The following KCNIP4 variants were observed in gnomAD, a reference collection of about 807,000 sequenced individuals.
The protein encoded by KCNIP4 is potassium voltage-gated channel interacting protein 4.
Under a neutral mutation model 34.0 loss-of-function variants are expected in KCNIP4, and 12 were observed. That is an observed-to-expected ratio of 0.35 (90% CI 0.23 to 0.57). The LOEUF (loss-of-function observed/expected upper bound fraction) is 0.57. Ranked by LOEUF, KCNIP4 falls within the 20% of genes least tolerant of loss-of-function variation. KCNIP4 has a pLI of 0.83. For synonymous variants in KCNIP4, 124 were observed against 102.2 expected (o/e 1.21, Z -1.29); for missense variants, 238 against 311.7 (o/e 0.76, Z 1.78).
intron 1 of KCNIP4, among the ~76,000 whole-genome samples, chr4:21,230,441 C>T (rs191250001): frequency 5.0e-4 from 76 of 152,212 alleles, no homozygotes; most frequent in African/African-American, 1.8e-3. Context: ...ACCTATCAAC[C>T]CATCACCTAG....
intron 2 of KCNIP4, among the ~76,000 whole-genome samples, chr4:20,858,986 T>C (rs1023996322): frequency 6.6e-6 from 1 of 152,182 alleles, no homozygotes; most frequent in Non-Finnish European, 1.5e-5. Flanking sequence ...TATGCTACTT[T>C]AAGAGATGGC....
At chr4:21,670,286 T>C (rs903965348) in intron 1 of KCNIP4, among the ~76,000 whole-genome samples, 5 of 151,496 alleles carry the variant, frequency 3.3e-5, no homozygotes, top group African/African-American at 4.9e-5. Flanking sequence ...ATGGATGAAA[T>C]TGGAAATCAT....
intron 1 of KCNIP4, among the ~76,000 whole-genome samples, chr4:21,000,432 C>T (rs1008029518): frequency 2.6e-5 from 4 of 151,980 alleles, no homozygotes; most frequent in Non-Finnish European, 5.9e-5. Flanking sequence ...CGCCTGTAAT[C>T]CCAACATTTT....
chr4:21,120,623 C>G lies in KCNIP4; in HGVS notation c.62-237914G>C, dbSNP rs1003436174. Among the ~76,000 whole-genome samples the G allele has an allele frequency of 2.0e-5, 3 of 152,194 alleles. No individual in the cohort carries two copies. In the East Asian group the frequency reaches 5.8e-4, roughly 29 times the overall value. On this transcript the variant is annotated intron_variant, in intron 1 of 8. Coordinates refer to ENST00000382152, the MANE Select transcript of KCNIP4 (RefSeq NM_025221.6). ...TGTTTGTCAGCTCAGGAAAATCTACCATTTATAAAACCATCAGCTCTCATG... is the reference window on the plus strand; with the variant it reads ...TGTTTGTCAGCTCAGGAAAATCTACGATTTATAAAACCATCAGCTCTCATG...
chr4:21,726,754 C>T (rs10028615), intron 1 of KCNIP4, among the ~76,000 whole-genome samples: 12,642 of 152,150 alleles, frequency 0.083, 1,762 homozygotes, highest in African/African-American at 0.29. Context: ...ATCCTGTTCA[C>T]CACCATTTAT....
chr4:21,686,105 T>A (rs538824084), intron 1 of KCNIP4, among the ~76,000 whole-genome samples: 20 of 152,334 alleles, frequency 1.3e-4, no homozygotes, highest in African/African-American at 4.8e-4. Context: ...ACAGGCTCTA[T>A]GTATCTTAAC....
intron 1 of KCNIP4, among the ~76,000 whole-genome samples, chr4:21,262,671 C>A (rs1051364364): frequency 3.9e-5 from 6 of 152,152 alleles, no homozygotes; most frequent in Non-Finnish European, 7.3e-5. Flanking sequence ...TCTCTGGGAG[C>A]AATTTCTAAT....
chr4:21,019,217 G>C (rs1443703985), intron 1 of KCNIP4, among the ~76,000 whole-genome samples: 1 of 151,854 alleles, frequency 6.6e-6, no homozygotes, highest in African/African-American at 2.4e-5. Context: ...GTGCAGTGGC[G>C]TGATCTTGGC....
intron 1 of KCNIP4, among the ~76,000 whole-genome samples, chr4:20,889,596 A>G (rs545210634): frequency 1.1e-4 from 17 of 152,248 alleles, no homozygotes; most frequent in African/African-American, 3.8e-4. Flanking sequence ...GGTAAAAATA[A>G]TTGTGCAATT....
chr4:20,741,173 G>T (rs958724212), intron 5 of KCNIP4, among the ~76,000 whole-genome samples: 6 of 152,156 alleles, frequency 3.9e-5, no homozygotes, highest in Non-Finnish European at 8.8e-5. Context: ...GAGACAGAAA[G>T]TTAACAAGGA....
At chr4:21,679,119 C>A (rs990605477) in intron 1 of KCNIP4, among the ~76,000 whole-genome samples, 1 of 152,152 alleles carries the variant, frequency 6.6e-6, no homozygotes. Flanking sequence ...GGACTTCTAG[C>A]CTCAATTGCT....
intron 1 of KCNIP4, among the ~76,000 whole-genome samples, chr4:21,551,806 C>T (rs1738607515): frequency 6.6e-6 from 1 of 151,882 alleles, no homozygotes; most frequent in Non-Finnish European, 1.5e-5. Context: ...AATGCCAATG[C>T]ATATTAGAAT....
At chr4:21,234,854 T>A (rs1759233425) in intron 1 of KCNIP4, among the ~76,000 whole-genome samples, 1 of 151,784 alleles carries the variant, frequency 6.6e-6, no homozygotes. Context: ...TATCATGTTG[T>A]CCAGGCTGGA....
chr4:20,845,909 A>G (rs1720310718), intron 3 of KCNIP4, among the ~76,000 whole-genome samples: 1 of 152,152 alleles, frequency 6.6e-6, no homozygotes, highest in Non-Finnish European at 1.5e-5. Context: ...CATGATTCTA[A>G]CTGTGGCCTC....
chr4:21,639,070 A>G (rs1412644837), intron 1 of KCNIP4, among the ~76,000 whole-genome samples: 4 of 152,208 alleles, frequency 2.6e-5, no homozygotes, highest in African/African-American at 9.7e-5. Flanking sequence ...ATGTGAATAA[A>G]TTTAGATGTG....
chr4:21,552,053 CAAAA>C (rs1560510418), intron 1 of KCNIP4, among the ~76,000 whole-genome samples: 2 of 112,200 alleles, frequency 1.8e-5, no homozygotes, highest in South Asian at 3.8e-4. Flanking sequence ...AAAAAAAAAA[CAAAA>C]AACAACAACA....
chr4:21,734,798 A>G (rs1025670420), intron 1 of KCNIP4, among the ~76,000 whole-genome samples: 5 of 152,194 alleles, frequency 3.3e-5, no homozygotes, highest in East Asian at 3.9e-4. Flanking sequence ...GATATTTTCT[A>G]TAGAAATTGG....
chr4:21,471,156 T>C (rs1730436386), intron 1 of KCNIP4, among the ~76,000 whole-genome samples: 1 of 152,206 alleles, frequency 6.6e-6, no homozygotes, highest in Non-Finnish European at 1.5e-5. Context: ...TCCTTTAATT[T>C]GTTTGGCAAG....
intron 1 of KCNIP4, among the ~76,000 whole-genome samples, chr4:21,349,273 T>A (rs1185949494): frequency 6.6e-6 from 1 of 152,142 alleles, no homozygotes; most frequent in Non-Finnish European, 1.5e-5. Flanking sequence ...AATCAGCTGC[T>A]ATTATCACTT....
Sources: allele counts gnomAD v4.1 joint callset (sites outside exome capture counted in the v4.1 genomes callset), GRCh38; gene constraint gnomAD v4.1.1; transcripts MANE v1.5; gene names NCBI Gene and HGNC (gene_info 2026-07-23, HGNC 2026-07-21).